The following MYO1D variants were observed in gnomAD, a reference collection of about 807,000 sequenced individuals.
MYO1D encodes the protein myosin ID.
In MYO1D, 83 loss-of-function variants were observed where a neutral mutation model predicts 122.0. The ratio of observed to expected loss-of-function variants is 0.68; its 90% CI spans 0.57 to 0.82. The LOEUF (loss-of-function observed/expected upper bound fraction) is 0.82. MYO1D is among the 40% of genes least tolerant of loss of function. The pLI, the probability that MYO1D is intolerant of heterozygous loss-of-function variation, is 0.00. For missense variants in MYO1D, 1,157 were observed against 1,269.5 expected (o/e 0.91, Z 1.35); for synonymous variants, 464 against 446.9 (o/e 1.04, Z -0.48).
chr17:32,717,171 G>T (rs1407541086), intron 15 of MYO1D, among the ~76,000 whole-genome samples: 1 of 152,124 alleles, frequency 6.6e-6, no homozygotes, highest in African/African-American at 2.4e-5. Flanking sequence ...TCCTATATGT[G>T]AAATGTTTAA....
chr17:32,789,960 C>CTA (rs1567643687), intron 1 of MYO1D, among the ~76,000 whole-genome samples: 26 of 152,014 alleles, frequency 1.7e-4, no homozygotes, highest in South Asian at 4.2e-4. Flanking sequence ...TTACAGTAAC[C>CTA]GTAGGAATAA....
chr17:32,872,738 G>A lies in MYO1D; in HGVS notation c.95+4040C>T, dbSNP rs1423276954. On this transcript the variant is annotated intron_variant, in intron 1 of 21. Coordinates refer to ENST00000318217, the MANE Select transcript of MYO1D (RefSeq NM_015194.3). ...GGAGTCTCGCTCTGTCACCCAGGCCGGACTGCGGACTGCAGTGGCGCAATC... is the reference window on the plus strand; with the variant it reads ...GGAGTCTCGCTCTGTCACCCAGGCCAGACTGCGGACTGCAGTGGCGCAATC... 5.5e-5 allele frequency among the ~76,000 whole-genome samples: 8 copies of A among 145,638 alleles called. No homozygotes were observed. The East Asian group carries it at 8.2e-4, about 15-fold the overall frequency.
chr17:32,821,534 T>TCACACACACACACACACACA (rs575314294), intron 1 of MYO1D, among the ~76,000 whole-genome samples: 154 of 143,154 alleles, frequency 1.1e-3, no homozygotes, highest in African/African-American at 3.2e-3. Context: ...GATAAGTAAA[T>TCACACACACACACACACACA]CACACATACA....
intron 21 of MYO1D, among the ~76,000 whole-genome samples, chr17:32,575,182 TC>T (rs1198626343): frequency 6.6e-6 from 1 of 152,200 alleles, no homozygotes; most frequent in Non-Finnish European, 1.5e-5. Flanking sequence ...TAAAAAACAT[TC>T]TAGAGTAAAA....
At chr17:32,565,626 T>C (rs186370101) in intron 21 of MYO1D, among the ~76,000 whole-genome samples, 154 of 152,340 alleles carry the variant, frequency 1.0e-3, no homozygotes, top group African/African-American at 3.5e-3. Context: ...AGCTAGGTCA[T>C]GGCCATCAGT....
chr17:32,781,866 A>C (rs1266039647), intron 1 of MYO1D, among the ~76,000 whole-genome samples: 1 of 152,242 alleles, frequency 6.6e-6, no homozygotes, highest in African/African-American at 2.4e-5. Context: ...GTTTTTACAC[A>C]GTAATCCACA....
chr17:32,818,141 A>AAAAAAAAAAAAAAAAAAT (rs1392236608), intron 1 of MYO1D, among the ~76,000 whole-genome samples: 1 of 145,730 alleles, frequency 6.9e-6, no homozygotes, highest in African/African-American at 2.5e-5. Context: ...AAAAAAAAAA[A>AAAAAAAAAAAAAAAAAAT]AAAAGAGGTA....
chr17:32,760,347 C>T lies in MYO1D; in HGVS notation c.1239G>A (p.Gln413=). The T allele has an allele frequency of 6.2e-7, 1 of 1,612,646 alleles. No homozygotes were observed. Among genetic ancestry groups the T allele is most frequent in the Non-Finnish European group, 8.5e-7 (1 of 1,178,922 alleles). Residue 413 remains glutamine (Q), a synonymous_variant, in exon 10 of 22, where the codon CAG becomes CAA. Transcript: ENST00000318217. ...CCTCTTGTTCTTGCTTCAGAACCAGCTGAATAAATAGCTGCTGCAGTTTCT... is the reference window on the plus strand; with the variant it reads ...CCTCTTGTTCTTGCTTCAGAACCAGTTGAATAAATAGCTGCTGCAGTTTCT... ...CNEKLQQLFI[Q]LVLKQEQEEY...
rs201031726 is a variant in MYO1D, at chr17:32,659,217, T to C, written c.2243A>G (p.His748Arg). ...SYIHEVARRF[H>R]GVKTMRDYGK... ...GTAGTCTCGCATGGTCTTGACGCCA[T>C]GGAAGCGTCTGGCCACCTCGTGGAT... The change falls in exon 17 of 22, where the codon CAT (histidine) becomes CGT (arginine). Residue 748 changes from histidine (H) to arginine (R), a missense_variant. Coordinates refer to ENST00000318217, the MANE Select transcript of MYO1D (RefSeq NM_015194.3). 3.7e-6 allele frequency: 6 copies of C among 1,614,218 alleles called. No individual in the cohort carries two copies. Among genetic ancestry groups the C allele is most frequent in the Non-Finnish European group, 5.1e-6 (6 of 1,180,034 alleles).
At chr17:32,706,399 C>T (rs1190482327) in intron 16 of MYO1D, among the ~76,000 whole-genome samples, 1 of 152,126 alleles carries the variant, frequency 6.6e-6, no homozygotes, top group Non-Finnish European at 1.5e-5. Context: ...TGAGCCATTG[C>T]ACCTGGCCTA....
chr17:32,774,490 A>G (rs923871022), intron 4 of MYO1D, among the ~76,000 whole-genome samples: 3 of 152,182 alleles, frequency 2.0e-5, no homozygotes, highest in African/African-American at 7.2e-5. Context: ...TATTCTCAAC[A>G]TTCCTTTCCC....
chr17:32,857,898 A>G (rs896928992), intron 1 of MYO1D, among the ~76,000 whole-genome samples: 4 of 152,146 alleles, frequency 2.6e-5, no homozygotes, highest in African/African-American at 9.7e-5. Flanking sequence ...TTTTCATTCC[A>G]TTTATCTCCA....
chr17:32,655,444 A>G (rs2088462763), intron 17 of MYO1D, among the ~76,000 whole-genome samples: 1 of 152,106 alleles, frequency 6.6e-6, no homozygotes, highest in African/African-American at 2.4e-5. Context: ...AGGAATGCAG[A>G]GTGGGTGTGG....
chr17:32,798,713 C>T (rs2090437898), intron 1 of MYO1D, among the ~76,000 whole-genome samples: 1 of 152,222 alleles, frequency 6.6e-6, no homozygotes, highest in South Asian at 2.1e-4. Context: ...GGAAAGGGAG[C>T]TAAATTTGGA....
intron 21 of MYO1D, among the ~76,000 whole-genome samples, chr17:32,567,138 G>A (rs1458242948): frequency 6.6e-6 from 1 of 151,998 alleles, no homozygotes; most frequent in African/African-American, 2.4e-5. Context: ...CAAATGAAGG[G>A]GTGGCAGAAG....
rs117342140 is a variant in MYO1D at position 32,716,447 on chromosome 17, C to T, written c.1914-4252G>A. Reference sequence around the variant, plus strand: ...ACTTTGTTTTGTTCCCCACTATATACCATGTGCCTATCATGTTGCCTGCCA... The same window carrying T: ...ACTTTGTTTTGTTCCCCACTATATATCATGTGCCTATCATGTTGCCTGCCA... On this transcript the variant is annotated intron_variant, in intron 15 of 21. Transcript: ENST00000318217. Among the ~76,000 whole-genome samples the T allele has an allele frequency of 5.4e-4, 82 of 152,292 alleles. 1 individual carries two copies. In the East Asian group the frequency reaches 0.014, roughly 27 times the overall value.
At chr17:32,740,711 G>A (rs531192863) in intron 13 of MYO1D, among the ~76,000 whole-genome samples, 3 of 152,226 alleles carry the variant, frequency 2.0e-5, no homozygotes, top group East Asian at 3.9e-4. Context: ...CTGGGCTCAC[G>A]CGATTCTCCC....
chr17:32,513,882 G>A (rs1042179663), intron 21 of MYO1D, among the ~76,000 whole-genome samples: 3 of 151,008 alleles, frequency 2.0e-5, no homozygotes, highest in African/African-American at 7.3e-5. Context: ...CCAGGCTGGA[G>A]TATAGGGTGT....
At chr17:32,864,802 C>T (rs879699551) in intron 1 of MYO1D, among the ~76,000 whole-genome samples, 8 of 152,054 alleles carry the variant, frequency 5.3e-5, no homozygotes, top group Admixed American at 2.6e-4. Context: ...TTGTTTATTC[C>T]GTGATAGAGG....
Sources: gnomAD v4.1 joint callset for allele counts (sites outside exome capture counted in the v4.1 genomes callset) on GRCh38, gnomAD v4.1.1 for gene constraint, MANE v1.5 for transcripts, NCBI Gene and HGNC (gene_info 2026-07-23, HGNC 2026-07-21) for gene names.